Variants in CSGALNACT1 observed in about 807,000 individuals in gnomAD.
CSGALNACT1 encodes chondroitin sulfate N-acetylgalactosaminyltransferase 1.
A neutral mutation model predicts 51.0 loss-of-function variants in CSGALNACT1; 52 were observed. That is an observed-to-expected ratio of 1.02 (90% CI 0.82 to 1.29). The LOEUF is 1.29. Among genes scored for constraint, CSGALNACT1 ranks in the 50% most tolerant of loss-of-function variants. CSGALNACT1 has a pLI of 0.00. For missense variants in CSGALNACT1, 935 were observed against 679.2 expected, an observed-to-expected ratio of 1.38 and a Z score of -4.19; for synonymous variants, 341 against 254.4, an observed-to-expected ratio of 1.34 and a Z score of -3.24.
At chr8:19,660,649 A>C (rs535423753) in intron 1 of CSGALNACT1, among the ~76,000 whole-genome samples, 1 of 152,242 alleles carries the variant, frequency 6.6e-6, no homozygotes, top group African/African-American at 2.4e-5. Flanking sequence ...ACTAGGTAGC[A>C]AGGAAACACT....
intron 5 of CSGALNACT1, among the ~76,000 whole-genome samples, chr8:19,454,642 G>A (rs556937052): frequency 3.0e-4 from 45 of 152,308 alleles, no homozygotes; most frequent in African/African-American, 1.0e-3. Context: ...CTGCACTCCA[G>A]CCTGGGTGAC....
At chr8:19,474,528 G>C (rs192121033) in intron 4 of CSGALNACT1, among the ~76,000 whole-genome samples, 1 of 151,956 alleles carries the variant, frequency 6.6e-6, no homozygotes, top group Non-Finnish European at 1.5e-5. Flanking sequence ...GATATGCTTC[G>C]GCTGACCCAT....
At chr8:19,444,507 A>G (rs558182927) in intron 5 of CSGALNACT1, among the ~76,000 whole-genome samples, 1 of 152,220 alleles carries the variant, frequency 6.6e-6, no homozygotes, top group African/African-American at 2.4e-5. Flanking sequence ...TACTGGTAGG[A>G]TATTTTGTGA....
intron 9 of CSGALNACT1, among the ~76,000 whole-genome samples, chr8:19,406,760 G>C (rs1264571024): frequency 6.6e-6 from 1 of 152,052 alleles, no homozygotes; most frequent in Non-Finnish European, 1.5e-5. Flanking sequence ...AAGAAACGAG[G>C]GGCTTGCAGT....
exon 4 of CSGALNACT1, chr8:19,505,577 C>T (rs760830087): frequency 6.2e-7 from 1 of 1,613,920 alleles, no homozygotes; most frequent in African/African-American, 1.3e-5. Flanking sequence ...TCCTCTCCTG[C>T]AGCTCCTCCT....
chr8:19,565,356 AGTGTAGCAG>A (rs1051742567), intron 3 of CSGALNACT1, among the ~76,000 whole-genome samples: 2 of 152,216 alleles, frequency 1.3e-5, no homozygotes, highest in Non-Finnish European at 2.9e-5. Context: ...CTCTCCAGGC[AGTGTAGCAG>A]GACTGCCTAC....
intron 3 of CSGALNACT1, among the ~76,000 whole-genome samples, chr8:19,529,381 A>T (rs746572295): frequency 9.9e-5 from 15 of 152,140 alleles, no homozygotes; most frequent in Non-Finnish European, 2.2e-4. Flanking sequence ...GGCCTTGACC[A>T]CTACTGGGCA....
rs376248618 is a variant in CSGALNACT1, at chr8:19,733,738, A to G, written c.-297+24112T>C. 6.6e-5 allele frequency among the ~76,000 whole-genome samples: 10 copies of G among 152,246 alleles called. No individual in the cohort carries two copies. In the East Asian group the frequency reaches 7.7e-4, roughly 12 times the overall value. ...TGTGCACTGACCTTTCCCAAGGCAG[A>G]CTAGCTAAGGTGAGAATTCTACATT... On this transcript the variant is annotated intron_variant, in intron 1 of 1. Coordinates refer to the CSGALNACT1 transcript ENST00000517494.
At chr8:19,646,315 C>A (rs747732625) in intron 1 of CSGALNACT1, among the ~76,000 whole-genome samples, 1 of 152,180 alleles carries the variant, frequency 6.6e-6, no homozygotes, top group African/African-American at 2.4e-5. Context: ...TCCCCAGAGG[C>A]TGAAGAAAGA....
chr8:19,690,423 A>AG (rs1332037146), intron 1 of CSGALNACT1, among the ~76,000 whole-genome samples: 1 of 152,122 alleles, frequency 6.6e-6, no homozygotes, highest in African/African-American at 2.4e-5. Flanking sequence ...GTTTCTGCTA[A>AG]GAAAAAAAAA....
intron 1 of CSGALNACT1, among the ~76,000 whole-genome samples, chr8:19,668,500 C>A (rs2059555232): frequency 6.6e-6 from 1 of 152,196 alleles, no homozygotes; most frequent in Non-Finnish European, 1.5e-5. Flanking sequence ...TCAATTACTT[C>A]ATGAGTAAAC....
upstream of CSGALNACT1, among the ~76,000 whole-genome samples, chr8:19,684,651 G>A (rs1042500217): frequency 6.6e-6 from 1 of 152,174 alleles, no homozygotes; most frequent in South Asian, 2.1e-4. Context: ...GGAGGCCAAA[G>A]AAGCTTAAAC....
intron 1 of CSGALNACT1, among the ~76,000 whole-genome samples, chr8:19,657,065 T>TA (rs200755706): frequency 0.017 from 2,141 of 125,688 alleles, 32 homozygotes; most frequent in South Asian, 0.059. Flanking sequence ...TCCATCTCAT[T>TA]AAAAAAAAAA....
chr8:19,528,432 T>G (rs1033473645), intron 3 of CSGALNACT1, among the ~76,000 whole-genome samples: 1 of 152,216 alleles, frequency 6.6e-6, no homozygotes, highest in East Asian at 1.9e-4. Context: ...CTCCATAATT[T>G]TGTCTAAACA....
At chr8:19,688,190 T>G (rs1014756291) in intron 1 of CSGALNACT1, among the ~76,000 whole-genome samples, 5 of 152,166 alleles carry the variant, frequency 3.3e-5, no homozygotes, top group Non-Finnish European at 7.4e-5. Flanking sequence ...TGAAGCCCTG[T>G]GTCTTCCCAT....
At chr8:19,505,107 C>G in intron 4 of CSGALNACT1, 94 bp downstream of exon 3, 1 of 1,416,534 alleles carries the variant, frequency 7.1e-7, no homozygotes, top group Non-Finnish European at 1.0e-6. Flanking sequence ...ATCCCAGAGC[C>G]AGCTGCCAGC....
chr8:19,616,187 A>G (rs7821215), intron 1 of CSGALNACT1, among the ~76,000 whole-genome samples: 2,230 of 152,334 alleles, frequency 0.015, 63 homozygotes, highest in African/African-American at 0.051. Context: ...TTCATATGAG[A>G]TATTTTTAAA....
At chr8:19,425,413 TCA>T (rs2058623217) in intron 6 of CSGALNACT1, among the ~76,000 whole-genome samples, 1 of 152,222 alleles carries the variant, frequency 6.6e-6, no homozygotes, top group Non-Finnish European at 1.5e-5. Flanking sequence ...CAACCCCGTG[TCA>T]CAGTCTCATT....
intron 6 of CSGALNACT1, among the ~76,000 whole-genome samples, chr8:19,433,924 T>C (rs1193286133): frequency 6.6e-6 from 1 of 152,180 alleles, no homozygotes; most frequent in Non-Finnish European, 1.5e-5. Context: ...CCCATTTTGT[T>C]TCACCACTGG....
Sources: gnomAD v4.1 joint callset for allele counts (sites outside exome capture counted in the v4.1 genomes callset) on GRCh38, gnomAD v4.1.1 for gene constraint, MANE v1.5 for transcripts, NCBI Gene and HGNC (gene_info 2026-07-23, HGNC 2026-07-21) for gene names.